Variants in DNM2 observed in about 807,000 individuals in gnomAD.
The protein encoded by DNM2 is dynamin 2, also known as dynamin-2.
Under a neutral mutation model 99.0 loss-of-function variants are expected in DNM2, and 15 were observed. The ratio of observed to expected loss-of-function variants is 0.15; its 90% CI spans 0.10 to 0.23. DNM2 has a LOEUF of 0.23. DNM2 is among the 10% of genes least tolerant of loss of function. DNM2 has a pLI of 1.00. For synonymous variants in DNM2, 525 were observed against 481.2 expected (o/e 1.09, Z -1.19); for missense variants, 742 against 1,189.4 (o/e 0.62, Z 5.53).
At chr19:10,727,698 G>A (rs1415666005) in intron 1 of DNM2, among the ~76,000 whole-genome samples, 1 of 152,076 alleles carries the variant, frequency 6.6e-6, no homozygotes, top group African/African-American at 2.4e-5. Flanking sequence ...TTCAGAGTTG[G>A]CTTAGGCGGT....
chr19:10,821,783 G>A lies in DNM2; in HGVS notation c.1781+1694G>A, dbSNP rs144158780. The stretch of plus-strand genomic sequence containing the variant: ...CAACCTCAGGTGATCCACCCACCTC[G>A]GCCTCCCAAAGTGCTGGGATTACAG... On this transcript the variant is annotated intron_variant, in intron 16 of 20. Coordinates refer to ENST00000389253, the MANE Select transcript of DNM2 (RefSeq NM_001005361.3). 1.6e-3 allele frequency among the ~76,000 whole-genome samples: 236 copies of A among 152,160 alleles called. 5 individuals are homozygous for A. Among genetic ancestry groups the A allele is most frequent in the Admixed American group, 0.014 (210 of 15,274 alleles).
At chr19:10,781,018 TAAAA>T (rs5827115) in intron 5 of DNM2, among the ~76,000 whole-genome samples, 1 of 114,428 alleles carries the variant, frequency 8.7e-6, no homozygotes. Context: ...ACTCTGTCTT[TAAAA>T]AAAAAAAAAA....
chr19:10,758,263 TTCCCTCCTTCCTTCCC>T (rs1568282703), intron 1 of DNM2, among the ~76,000 whole-genome samples: 29 of 141,838 alleles, frequency 2.0e-4, no homozygotes, highest in African/African-American at 4.0e-4. Flanking sequence ...CCCTCCTTCC[TTCCCTCCTTCCTTCCC>T]TCCCTCCTTC....
chr19:10,812,407 G>A lies in DNM2; in HGVS notation c.1671+30G>A, dbSNP rs367935131. 4 of 1,562,776 alleles carry A rather than the reference G, an allele frequency of 2.6e-6. No homozygotes were observed. The highest frequency in any genetic ancestry group is 3.5e-6 in the Non-Finnish European group (4 of 1,148,292). Reference sequence around the variant, plus strand: ...GTGGCAGGCGGGAGCAGGGCTGCTGGGGTAGGTGGGGCAGCCAGGGAAGAG... The same window carrying A: ...GTGGCAGGCGGGAGCAGGGCTGCTGAGGTAGGTGGGGCAGCCAGGGAAGAG... On this transcript the variant is annotated intron_variant, in intron 15 of 20. Coordinates refer to ENST00000389253, the MANE Select transcript of DNM2 (RefSeq NM_001005361.3). The surrounding 1 kb of genome is among the most constrained non-coding windows in gnomAD (Gnocchi z 4.0).
Position 10,820,469 on chromosome 19 carries a change from C to T in DNM2, c.1781+380C>T, listed in dbSNP as rs1346202016. On this transcript the variant is annotated intron_variant, in intron 16 of 20. Transcript: ENST00000389253. The surrounding 1 kb of genome is among the most constrained non-coding windows in gnomAD (Gnocchi z 4.3). The stretch of plus-strand genomic sequence containing the variant: ...AAGGCCGCTGCCTTGTCCAAGTGGG[C>T]GATGATGGGGCCAGAACCCATAGGG... Among the ~76,000 whole-genome samples the T allele has an allele frequency of 2.6e-5, 4 of 152,152 alleles. No individual in the cohort carries two copies. The highest frequency in any genetic ancestry group is 5.9e-5 in the Non-Finnish European group (4 of 68,038).
chr19:10,792,727 C>T (rs2071796659), intron 7 of DNM2, among the ~76,000 whole-genome samples: 1 of 152,116 alleles, frequency 6.6e-6, no homozygotes. Context: ...CCTGCCTCAG[C>T]CTCCCGATTA....
At chr19:10,766,121 G>A (rs539199276) in intron 2 of DNM2, among the ~76,000 whole-genome samples, 48 of 152,264 alleles carry the variant, frequency 3.2e-4, no homozygotes, top group Non-Finnish European at 5.6e-4. Context: ...GAGGCACCCC[G>A]AAAACTCTCC....
At chr19:10,759,640 C>G in intron 1 of DNM2, 98 bp from the exon 2 acceptor site, 1 of 1,513,464 alleles carries the variant, frequency 6.6e-7, no homozygotes, top group Non-Finnish European at 9.2e-7. Context: ...TGAGGTCGCC[C>G]AAATTGCAAG....
rs958995088 is a variant in DNM2 at position 10,785,819 on chromosome 19, C to CT, written c.850-736dup. Reference sequence around the variant, plus strand: ...ATTTTATGGCTTTGTTTTTCTTTTTCTTTTTTTTTGAGACAGAGTCTTGCT... The same window carrying CT: ...ATTTTATGGCTTTGTTTTTCTTTTTCTTTTTTTTTTGAGACAGAGTCTTGCT... On this transcript the variant is annotated intron_variant, in intron 6 of 20. Transcript: ENST00000389253. 5.7e-4 allele frequency among the ~76,000 whole-genome samples: 86 copies of CT among 151,084 alleles called. No individual in the cohort carries two copies. In the Middle Eastern group the frequency reaches 0.01, roughly 18 times the overall value.
rs556085391 is a variant in DNM2 at position 10,817,374 on chromosome 19, C to G, written c.1672-2606C>G. The G allele has an allele frequency of 4.2e-6, 2 of 477,932 alleles. No homozygotes were observed. The highest frequency in any genetic ancestry group is 8.6e-6 in the Non-Finnish European group (2 of 232,094). The allele number at this position is 477,932 out of a possible 1,614,324, so 29.6% of individuals were successfully genotyped here. ...ACGGGGTGGTGGAAAATGACACTCA[C>G]CTGCCGGCGAGTTTGGGGGGCCTGT... On this transcript the variant is annotated intron_variant, in intron 15 of 20. Coordinates refer to ENST00000389253, the MANE Select transcript of DNM2 (RefSeq NM_001005361.3). This position sits in a 1 kb window ranked among gnomAD's most constrained non-coding sequence, Gnocchi z 4.6.
Position 10,830,184 on chromosome 19 carries a change from A to G in DNM2, c.2349A>G (p.Ala783=), listed in dbSNP as rs2073288189. 4.3e-6 allele frequency: 7 copies of G among 1,613,350 alleles called. No individual in the cohort carries two copies. The highest frequency in any genetic ancestry group is 5.9e-6 in the Non-Finnish European group (7 of 1,179,474). Residue 783 remains alanine, a synonymous_variant, in exon 20 of 21, where the codon GCA becomes GCG. Coordinates refer to ENST00000389253, the MANE Select transcript of DNM2 (RefSeq NM_001005361.3). The surrounding 1 kb of genome is among the most constrained non-coding windows in gnomAD (Gnocchi z 4.8). ...TACACCCCCCTGGCCGGCCCCCAGC[A>G]GTGAGGGGCCCCACTCCAGGGCCCC... is the stretch of plus-strand genomic sequence containing the variant. ...SSIHPPGRPP[A]VRGPTPGPPL... is the part of the protein sequence containing the mutation.
intron 16 of DNM2, 130 bp from the exon 17 acceptor site, chr19:10,823,658 C>A: frequency 1.2e-6 from 1 of 822,606 alleles, no homozygotes; most frequent in Non-Finnish European, 2.1e-6. Context: ...CTCAGCATGA[C>A]CAGGTGAAGC....
Position 10,830,868 on chromosome 19 carries a change from C to A in DNM2, c.2544-110C>A. The A allele has an allele frequency of 7.5e-7, 1 of 1,333,718 alleles. No homozygotes were observed. Among genetic ancestry groups the A allele is most frequent in the Non-Finnish European group, 1.0e-6 (1 of 989,330 alleles). The allele number at this position is 1,333,718 out of a possible 1,614,324, so 82.6% of individuals were successfully genotyped here. A position where few individuals can be genotyped will look rare whatever the true frequency, so the allele number is the denominator to read the frequency against. ...TGGCTTGCGGAGGTCAGCCTGGGAA[C>A]ACCCTGGGGTGGTGTGTGGGTGGGG... On this transcript the variant is annotated intron_variant, in intron 20 of 20. Transcript: ENST00000389253. The surrounding 1 kb of genome is among the most constrained non-coding windows in gnomAD (Gnocchi z 4.8).
At chr19:10,760,827 A>ATTTGTTTTTTTTTTTTTTTT (rs2070600357) in intron 2 of DNM2, among the ~76,000 whole-genome samples, 2 of 41,260 alleles carry the variant, frequency 4.8e-5, no homozygotes, top group Non-Finnish European at 4.1e-5. Context: ...CACCCAGCTG[A>ATTTGTTTTTTTTTTTTTTTT]TTTTTTTTTT....
chr19:10,815,797 G>A (rs1045570851), intron 15 of DNM2, among the ~76,000 whole-genome samples: 1 of 152,160 alleles, frequency 6.6e-6, no homozygotes, highest in Admixed American at 6.5e-5. Context: ...ATGCTCTGTA[G>A]GAGTGCCCCC....
intron 9 of DNM2, 80 bp from the exon 10 acceptor site, chr19:10,797,300 C>T (rs747939279): frequency 1.3e-6 from 2 of 1,584,620 alleles, no homozygotes; most frequent in Non-Finnish European, 1.7e-6. Context: ...CTTCTCTTCT[C>T]TCTGTCTCCT....
At chr19:10,774,292 G>T (rs1231351210) in intron 3 of DNM2, among the ~76,000 whole-genome samples, 1 of 152,056 alleles carries the variant, frequency 6.6e-6, no homozygotes, top group African/African-American at 2.4e-5. Context: ...CTTCACCTGG[G>T]TAACATAGCA....
chr19:10,796,134 T>C lies in DNM2; in HGVS notation c.1196+695T>C. The C allele has an allele frequency of 6.2e-7, 1 of 1,614,190 alleles. No individual in the cohort carries two copies. The highest frequency in any genetic ancestry group is 8.5e-7 in the Non-Finnish European group (1 of 1,180,024). ...GCAGGTCGTCAAGCTGAAAGAGCCC[T>C]GTCTGAAATGTGTCGACCTGGTTAT... is the stretch of plus-strand genomic sequence containing the variant. On this transcript the variant is annotated intron_variant, in intron 9 of 20. Transcript: ENST00000389253. The surrounding 1 kb of genome is among the most constrained non-coding windows in gnomAD (Gnocchi z 5.6).
At chr19:10,725,475 G>T (rs2069084472) in intron 1 of DNM2, among the ~76,000 whole-genome samples, 1 of 151,420 alleles carries the variant, frequency 6.6e-6, no homozygotes, top group African/African-American at 2.4e-5. Flanking sequence ...AAAAAGGAAA[G>T]GCCATGCAAG....
Sources: gnomAD v4.1 joint callset for allele counts (sites outside exome capture counted in the v4.1 genomes callset) on GRCh38, gnomAD v4.1.1 for gene constraint, Gnocchi (gnomAD v3.1) non-coding constraint, MANE v1.5 for transcripts, NCBI Gene and HGNC (gene_info 2026-07-23, HGNC 2026-07-21) for gene names.